The following SYT9 variants were observed in gnomAD, a reference collection of about 807,000 sequenced individuals.
The protein encoded by SYT9 is synaptotagmin 9.
Under a neutral mutation model 48.4 loss-of-function variants are expected in SYT9, and 22 were observed. The observed-to-expected ratio is 0.45, with a 90% CI of 0.32 to 0.65. SYT9 has a LOEUF of 0.65. Ranked by LOEUF, SYT9 falls within the 30% of genes least tolerant of loss-of-function variation. The probability of loss-of-function intolerance (pLI) is 0.03; values close to 1 mark genes in which losing one functional copy is unlikely to be tolerated. For missense variants in SYT9, 577 were observed against 622.0 expected, an observed-to-expected ratio of 0.93 and a Z score of 0.77; for synonymous variants, 265 against 245.0, an observed-to-expected ratio of 1.08 and a Z score of -0.76.
intron 1 of SYT9, among the ~76,000 whole-genome samples, chr11:7,242,939 G>A (rs1201996899): frequency 1.3e-5 from 2 of 152,020 alleles, no homozygotes; most frequent in African/African-American, 4.8e-5. Flanking sequence ...CCAGCTCCTC[G>A]GCAGGCTGAG....
chr11:7,437,925 T>C (rs1847743338), intron 6 of SYT9: 1 of 152,238 alleles, frequency 6.6e-6, no homozygotes, highest in Non-Finnish European at 1.5e-5. Context: ...TGGAGGTATG[T>C]GTCACTGCTT....
intron 3 of SYT9, among the ~76,000 whole-genome samples, chr11:7,333,153 G>A (rs1456600146): frequency 6.6e-6 from 1 of 152,202 alleles, no homozygotes; most frequent in African/African-American, 2.4e-5. Flanking sequence ...ATTGGATTAT[G>A]CTTCCAGGCT....
At position 7,418,127 on chromosome 11, in the gene SYT9, C is replaced by T. The variant is rs776629146; in HGVS notation, c.1336C>T (p.Arg446Cys). 40 of 1,612,694 alleles carry T rather than the reference C, an allele frequency of 2.5e-5. No homozygotes were observed. Among genetic ancestry groups the T allele is most frequent in the Admixed American group, 3.3e-5 (2 of 59,850 alleles). The change falls in exon 5 of 7, where the codon CGT (arginine) becomes TGT (cysteine). Residue 446 changes from arginine (R) to cysteine (C), a missense_variant and splice_region_variant. Coordinates refer to ENST00000318881, the MANE Select transcript of SYT9 (RefSeq NM_175733.4). ...GTCCATAGCAGTCATGGACTATGACCGGTGAGATACCTGGAACTCTTTTCC... is the reference window on the plus strand; with the variant it reads ...GTCCATAGCAGTCATGGACTATGACTGGTGAGATACCTGGAACTCTTTTCC... ...HLSIAVMDYDRVGHNEIIGVC... is the reference protein window; with the variant it reads ...HLSIAVMDYDCVGHNEIIGVC...
intron 3 of SYT9, among the ~76,000 whole-genome samples, chr11:7,382,164 A>G (rs1850577713): frequency 1.3e-5 from 2 of 152,172 alleles, no homozygotes; most frequent in Admixed American, 6.5e-5. Context: ...ATAGGATCCT[A>G]TGATATTAGC....
chr11:7,315,424 G>C (rs1019728612), intron 3 of SYT9, among the ~76,000 whole-genome samples: 1 of 152,182 alleles, frequency 6.6e-6, no homozygotes, highest in Admixed American at 6.5e-5. Context: ...AAGTCTCCCT[G>C]GTTATGGGAG....
chr11:7,339,626 G>C (rs1348875557), intron 3 of SYT9, among the ~76,000 whole-genome samples: 1 of 152,126 alleles, frequency 6.6e-6, no homozygotes, highest in East Asian at 1.9e-4. Context: ...AGTTTGGTTG[G>C]ATATGAAATT....
At chr11:7,446,876 C>T (rs569847125) in intron 6 of SYT9, among the ~76,000 whole-genome samples, 1 of 152,366 alleles carries the variant, frequency 6.6e-6, no homozygotes, top group Admixed American at 6.5e-5. Context: ...ACTGCTGAAT[C>T]ATGAATGATC....
At chr11:7,367,070 A>AGCT (rs1850260112) in intron 3 of SYT9, among the ~76,000 whole-genome samples, 1 of 91,838 alleles carries the variant, frequency 1.1e-5, no homozygotes, top group African/African-American at 4.0e-5. Context: ...CCAGGAGACC[A>AGCT]TCTTTTTTTT....
chr11:7,248,452 A>G (rs1041013918), upstream of SYT9, among the ~76,000 whole-genome samples: 1 of 152,134 alleles, frequency 6.6e-6, no homozygotes, highest in African/African-American at 2.4e-5. Context: ...CAGAATTTTT[A>G]TAGTTTCAGC....
intron 3 of SYT9, among the ~76,000 whole-genome samples, chr11:7,362,671 A>C (rs76665744): frequency 0.019 from 2,819 of 152,286 alleles, 58 homozygotes; most frequent in African/African-American, 0.045. Context: ...CATGCTTTCC[A>C]ACATTATATG....
intron 3 of SYT9, among the ~76,000 whole-genome samples, chr11:7,400,285 A>G (rs1195229365): frequency 6.6e-6 from 1 of 152,212 alleles, no homozygotes; most frequent in African/African-American, 2.4e-5. Flanking sequence ...TCCTGTAACT[A>G]TGTCCACTCA....
intron 3 of SYT9, among the ~76,000 whole-genome samples, chr11:7,346,363 G>T (rs12226849): frequency 2.0e-5 from 3 of 152,232 alleles, no homozygotes; most frequent in African/African-American, 7.2e-5. Context: ...CTGTGGCTGA[G>T]ACCCCATCGG....
intron 3 of SYT9, among the ~76,000 whole-genome samples, chr11:7,402,455 A>ATT (rs1026859016): frequency 2.6e-5 from 4 of 152,204 alleles, no homozygotes; most frequent in African/African-American, 9.6e-5. Context: ...CTACTTGTGG[A>ATT]TTTGACTGTT....
At chr11:7,309,019 G>A (rs555895239) in intron 2 of SYT9, among the ~76,000 whole-genome samples, 13 of 152,154 alleles carry the variant, frequency 8.5e-5, no homozygotes, top group Non-Finnish European at 1.9e-4. Context: ...TTCTCCAGGC[G>A]TGAAAGTATG....
chr11:7,349,593 T>G (rs1589963700), intron 3 of SYT9, among the ~76,000 whole-genome samples: 1 of 152,158 alleles, frequency 6.6e-6, no homozygotes, highest in East Asian at 1.9e-4. Flanking sequence ...TGGGTTTCCC[T>G]CAGCTTCCCA....
chr11:7,371,331 C>A (rs1292115439), intron 3 of SYT9, among the ~76,000 whole-genome samples: 2 of 151,910 alleles, frequency 1.3e-5, no homozygotes, highest in African/African-American at 4.8e-5. Context: ...CTTCCAGGAG[C>A]ATAGACTATC....
At chr11:7,329,712 A>G (rs1003358255) in intron 3 of SYT9, among the ~76,000 whole-genome samples, 1 of 152,224 alleles carries the variant, frequency 6.6e-6, no homozygotes, top group African/African-American at 2.4e-5. Context: ...TTCAGCCTGT[A>G]TGCTGGAAAG....
chr11:7,367,342 G>C (rs2346820), intron 3 of SYT9, among the ~76,000 whole-genome samples: 1 of 150,626 alleles, frequency 6.6e-6, no homozygotes, highest in Non-Finnish European at 1.5e-5. Context: ...CGGCCTCCCA[G>C]AGTGCTGGGA....
intron 6 of SYT9, among the ~76,000 whole-genome samples, chr11:7,464,478 G>T (rs1848293722): frequency 6.6e-6 from 1 of 152,180 alleles, no homozygotes; most frequent in Non-Finnish European, 1.5e-5. Flanking sequence ...TCACAGTGTG[G>T]CCTTGTGCAA....
Sources: allele counts gnomAD v4.1 joint callset (sites outside exome capture counted in the v4.1 genomes callset), GRCh38; gene constraint gnomAD v4.1.1; transcripts MANE v1.5; gene names NCBI Gene and HGNC (gene_info 2026-07-23, HGNC 2026-07-21).